The following KCNIP4 variants were observed in gnomAD, a reference collection of about 807,000 sequenced individuals.
The protein encoded by KCNIP4 is potassium voltage-gated channel interacting protein 4.
A neutral mutation model predicts 34.0 loss-of-function variants in KCNIP4; 12 were observed. The observed-to-expected ratio is 0.35, with a 90% CI of 0.23 to 0.57. The LOEUF is 0.57. Ranked by LOEUF, KCNIP4 falls within the 20% of genes least tolerant of loss-of-function variation. KCNIP4 has a pLI of 0.83. For synonymous variants in KCNIP4, 124 were observed against 102.2 expected (o/e 1.21, Z -1.29); for missense variants, 238 against 311.7 (o/e 0.76, Z 1.78).
chr4:21,180,336 T>C (rs1754748065), intron 1 of KCNIP4, among the ~76,000 whole-genome samples: 3 of 152,080 alleles, frequency 2.0e-5, no homozygotes, highest in Non-Finnish European at 4.4e-5. Flanking sequence ...TGATGTTGCT[T>C]AAAAATAAGA....
intron 1 of KCNIP4, chr4:21,304,069 CAGAGAGAGAGAGAGAGACAGAG>C (rs1224867557): frequency 5.0e-4 from 69 of 138,072 alleles, no homozygotes; most frequent in Non-Finnish European, 5.2e-4. Context: ...GAGAGAGAGA[CAGAGAGAGAGAGAGAGACAGAG>C]AGAGAGAGAG....
chr4:20,797,417 C>G (rs1713623113), intron 3 of KCNIP4, among the ~76,000 whole-genome samples: 1 of 152,000 alleles, frequency 6.6e-6, no homozygotes, highest in African/African-American at 2.4e-5. Flanking sequence ...GAAAAGAATC[C>G]TAGGATAGCT....
intron 1 of KCNIP4, among the ~76,000 whole-genome samples, chr4:20,911,304 G>A (rs1043932805): frequency 3.9e-5 from 6 of 152,134 alleles, no homozygotes; most frequent in African/African-American, 1.4e-4. Context: ...TTACTGTCGT[G>A]TAAACTGTGT....
At chr4:21,794,174 A>C (rs979762457) in intron 1 of KCNIP4, among the ~76,000 whole-genome samples, 1 of 152,206 alleles carries the variant, frequency 6.6e-6, no homozygotes, top group African/African-American at 2.4e-5. Context: ...CCTAATGTAA[A>C]TGACTAGTTA....
At chr4:21,571,994 T>C (rs1349947096) in intron 1 of KCNIP4, among the ~76,000 whole-genome samples, 2 of 152,124 alleles carry the variant, frequency 1.3e-5, no homozygotes, top group African/African-American at 4.8e-5. Flanking sequence ...AAAGTATAGG[T>C]ATTTTAGATA....
intron 1 of KCNIP4, among the ~76,000 whole-genome samples, chr4:21,491,698 T>C (rs925357193): frequency 1.3e-5 from 2 of 152,152 alleles, no homozygotes; most frequent in Non-Finnish European, 1.5e-5. Context: ...AATAGAGCTG[T>C]ATGCTTACCA....
At chr4:20,939,406 T>C (rs1434644668) in intron 1 of KCNIP4, among the ~76,000 whole-genome samples, 2 of 151,956 alleles carry the variant, frequency 1.3e-5, no homozygotes, top group African/African-American at 2.4e-5. Context: ...TGAGATGGAG[T>C]CTCTATCGCC....
chr4:21,386,491 T>A (rs1010566869), intron 1 of KCNIP4, among the ~76,000 whole-genome samples: 1 of 152,214 alleles, frequency 6.6e-6, no homozygotes, highest in East Asian at 1.9e-4. Context: ...GCAAAACACA[T>A]AATTTCCCCT....
At chr4:20,993,181 GT>G (rs1320708879) in intron 1 of KCNIP4, among the ~76,000 whole-genome samples, 3 of 152,108 alleles carry the variant, frequency 2.0e-5, no homozygotes, top group African/African-American at 7.2e-5. Flanking sequence ...ATGTAGCCTG[GT>G]TTTTGGACCA....
At chr4:21,008,920 A>C (rs1480969143) in intron 1 of KCNIP4, among the ~76,000 whole-genome samples, 5 of 152,120 alleles carry the variant, frequency 3.3e-5, no homozygotes, top group African/African-American at 1.2e-4. Context: ...CTTTGTTCTT[A>C]GACTCCCACA....
chr4:21,576,151 G>A (rs535052311), intron 1 of KCNIP4, among the ~76,000 whole-genome samples: 6 of 152,176 alleles, frequency 3.9e-5, no homozygotes, highest in African/African-American at 2.4e-5. Context: ...AGTAAATGCT[G>A]CTACTCAACA....
At chr4:21,212,868 G>A (rs1437482003) in intron 1 of KCNIP4, among the ~76,000 whole-genome samples, 1 of 152,158 alleles carries the variant, frequency 6.6e-6, no homozygotes. Flanking sequence ...TCAGACCACT[G>A]CAATATCTAA....
intron 1 of KCNIP4, among the ~76,000 whole-genome samples, chr4:21,920,912 T>C (rs1171969117): frequency 2.2e-4 from 33 of 152,106 alleles, no homozygotes; most frequent in Non-Finnish European, 5.9e-5. Flanking sequence ...AGCTGTCTAG[T>C]TCTACCTCGT....
At chr4:20,978,256 A>G (rs539985309) in intron 1 of KCNIP4, among the ~76,000 whole-genome samples, 15 of 152,310 alleles carry the variant, frequency 9.8e-5, no homozygotes, top group Admixed American at 9.8e-4. Context: ...GAAAAAATAT[A>G]TATATAACAA....
chr4:20,925,389 G>A (rs747327849), intron 1 of KCNIP4, among the ~76,000 whole-genome samples: 4 of 152,250 alleles, frequency 2.6e-5, no homozygotes, highest in South Asian at 2.1e-4. Flanking sequence ...CAAACAGGTT[G>A]CAGTAAAGAA....
intron 1 of KCNIP4, among the ~76,000 whole-genome samples, chr4:21,548,593 ACTAT>A (rs931644698): frequency 6.6e-6 from 1 of 151,910 alleles, no homozygotes; most frequent in Non-Finnish European, 1.5e-5. Context: ...AAAAAAGCAA[ACTAT>A]CTACATAATC....
At position 21,405,928 on chromosome 4, in the gene KCNIP4, C is replaced by T. The variant is rs192102323; in HGVS notation, c.62-523219G>A. On this transcript the variant is annotated intron_variant, in intron 1 of 8. Coordinates refer to ENST00000382152, the MANE Select transcript of KCNIP4 (RefSeq NM_025221.6). ...TTGGCTCACTGCAAACTCCGCCTCC[C>T]GGGTTCAAGCGATTCTCCTGCCTCA... Among the ~76,000 whole-genome samples the T allele has an allele frequency of 3.2e-3, 491 of 152,300 alleles. 2 individuals carry two copies. The highest frequency in any genetic ancestry group is 8.2e-3 in the African/African-American group (340 of 41,560).
chr4:20,954,699 C>A (rs998552077), intron 1 of KCNIP4, among the ~76,000 whole-genome samples: 1 of 152,200 alleles, frequency 6.6e-6, no homozygotes, highest in Admixed American at 6.5e-5. Flanking sequence ...TAATTAGTCA[C>A]AGGGCTTTAT....
intron 3 of KCNIP4, among the ~76,000 whole-genome samples, chr4:20,833,158 A>T (rs1469950281): frequency 6.6e-6 from 1 of 152,252 alleles, no homozygotes; most frequent in Non-Finnish European, 1.5e-5. Context: ...GACCTATTAC[A>T]TGTGAAGGCA....
Sources: allele counts gnomAD v4.1 joint callset (sites outside exome capture counted in the v4.1 genomes callset), GRCh38; gene constraint gnomAD v4.1.1; transcripts MANE v1.5; gene names NCBI Gene and HGNC (gene_info 2026-07-23, HGNC 2026-07-21).